The following SEPTIN6 variants were observed in gnomAD, a reference collection of about 807,000 sequenced individuals.
SEPTIN6 encodes septin-6.
A neutral mutation model predicts 33.6 loss-of-function variants in SEPTIN6; 8 were observed. That is an observed-to-expected ratio of 0.24 (90% CI 0.14 to 0.43). SEPTIN6 has a LOEUF of 0.43. SEPTIN6 is among the 20% of genes least tolerant of loss of function. The pLI is 1.00. For synonymous variants in SEPTIN6, 131 were observed against 140.0 expected (o/e 0.94, Z 0.45); for missense variants, 250 against 340.8 (o/e 0.73, Z 2.10).
intron 1 of SEPTIN6, among the ~76,000 whole-genome samples, chrX:119,685,348 G>A (rs4825407): frequency 0.37 from 39,871 of 108,913 alleles, 5,528 homozygotes; most frequent in East Asian, 0.65. Context: ...CCTTCCCTAC[G>A]ACTCTCTCCC....
intron 5 of SEPTIN6, among the ~76,000 whole-genome samples, chrX:119,647,258 T>C (rs57798042): frequency 0.43 from 46,343 of 106,594 alleles, 8,634 homozygotes; most frequent in African/African-American, 0.68. Context: ...CACAGTAGGA[T>C]GCAAGGGAGT....
chrX:119,649,020 T>A (rs2054309164), intron 5 of SEPTIN6, among the ~76,000 whole-genome samples: 1 of 111,135 alleles, frequency 9.0e-6, no homozygotes, highest in Non-Finnish European at 1.9e-5. Flanking sequence ...CTCATTTCTC[T>A]AGTAGGAGAA....
Position 119,617,800 on chromosome X carries a change from G to A in SEPTIN6, c.*2293C>T, listed in dbSNP as rs2053689218. On this transcript the variant is annotated 3_prime_UTR_variant, in exon 11 of 11. Coordinates refer to ENST00000394610, the MANE Select transcript of SEPTIN6 (RefSeq NM_145799.4). Reference sequence around the variant, plus strand: ...TTCATTTCCCCTTACGGAGTAAGTAGGTTATATCGTCTTACTGACTAAAAT... The same window carrying A: ...TTCATTTCCCCTTACGGAGTAAGTAAGTTATATCGTCTTACTGACTAAAAT... The A allele has an allele frequency of 1.3e-6, 1 of 791,127 alleles. No individual in the cohort carries two copies. The highest frequency in any genetic ancestry group is 2.2e-5 in the African/African-American group (1 of 45,381). The allele number at this position is 791,127 out of a possible 1,213,427, so 65.2% of individuals were successfully genotyped here.
At chrX:119,668,849 T>C (rs757724046) in intron 2 of SEPTIN6, among the ~76,000 whole-genome samples, 6 of 111,396 alleles carry the variant, frequency 5.4e-5, no homozygotes, top group Non-Finnish European at 9.4e-5. Context: ...GTAAGTTCTT[T>C]AGTGGTGATT....
intron 9 of SEPTIN6, 48 bp downstream of exon 9, chrX:119,629,270 G>A (rs1283640053): frequency 4.3e-6 from 5 of 1,154,501 alleles, no homozygotes; most frequent in Middle Eastern, 3.3e-4. Context: ...CTGGGAGGAT[G>A]AGCAGGAGGA....
At chrX:119,633,258 T>G in intron 8 of SEPTIN6, 102 bp downstream of exon 8, 1 of 819,747 alleles carries the variant, frequency 1.2e-6, no homozygotes, top group Non-Finnish European at 1.7e-6. Flanking sequence ...GTTGAAGTAA[T>G]TTACATTCAC....
chrX:119,654,700 C>A, intron 3 of SEPTIN6, among the ~76,000 whole-genome samples: 1 of 110,423 alleles, frequency 9.1e-6, no homozygotes, highest in East Asian at 2.8e-4. Flanking sequence ...AGAGAAAAAT[C>A]TTTTTTTTTA....
intron 2 of SEPTIN6, among the ~76,000 whole-genome samples, chrX:119,671,551 G>A (rs2054749227): frequency 9.1e-6 from 1 of 110,058 alleles, no homozygotes; most frequent in Admixed American, 9.7e-5. Flanking sequence ...GCCTCCCAAA[G>A]TGCTGGGATT....
At chrX:119,676,897 T>C in intron 1 of SEPTIN6, among the ~76,000 whole-genome samples, 1 of 112,026 alleles carries the variant, frequency 8.9e-6, no homozygotes, top group Non-Finnish European at 1.9e-5. Context: ...ATCTCCACCA[T>C]CTCCTGGCTG....
intron 5 of SEPTIN6, among the ~76,000 whole-genome samples, chrX:119,647,853 A>G (rs1364883600): frequency 9.3e-6 from 1 of 107,165 alleles, no homozygotes; most frequent in Non-Finnish European, 1.9e-5. Context: ...GGGTTTCTCC[A>G]TGTTGGTCAG....
intron 10 of SEPTIN6, 136 bp downstream of exon 10, chrX:119,625,199 T>C: frequency 4.2e-6 from 2 of 479,262 alleles, no homozygotes; most frequent in Non-Finnish European, 7.4e-6. Flanking sequence ...CTGCATATTA[T>C]AAGTCACGAG....
chrX:119,616,902 C>T (rs888147278), downstream of SEPTIN6: 32 of 1,082,623 alleles, frequency 3.0e-5, 1 homozygote, highest in South Asian at 2.9e-4. Flanking sequence ...GCCATCACCA[C>T]GGGGAAATCT....
intron 5 of SEPTIN6, among the ~76,000 whole-genome samples, chrX:119,644,908 T>A (rs1476604711): frequency 3.3e-5 from 2 of 61,240 alleles, no homozygotes; most frequent in Non-Finnish European, 6.6e-5. Context: ...CCCAATCACA[T>A]TTTTTTTTTT....
chrX:119,622,569 G>A (rs1295317951), intron 10 of SEPTIN6, among the ~76,000 whole-genome samples: 1 of 112,063 alleles, frequency 8.9e-6, no homozygotes, highest in African/African-American at 3.2e-5. Context: ...GGCTGTTCCA[G>A]CTGTTTACCA....
At chrX:119,634,304 G>T (rs1432558210) in intron 7 of SEPTIN6, among the ~76,000 whole-genome samples, 4 of 108,033 alleles carry the variant, frequency 3.7e-5, no homozygotes, top group Non-Finnish European at 7.7e-5. Context: ...GCTAGGCGAA[G>T]GTTGAAGTGA....
intron 4 of SEPTIN6, among the ~76,000 whole-genome samples, chrX:119,651,729 GC>G (rs1221570087): frequency 8.9e-6 from 1 of 112,078 alleles, no homozygotes; most frequent in Non-Finnish European, 1.9e-5. Flanking sequence ...GCTTAACTCG[GC>G]CCATCCACCA....
At chrX:119,664,731 C>T (rs1036489580) in intron 2 of SEPTIN6, among the ~76,000 whole-genome samples, 24 of 104,592 alleles carry the variant, frequency 2.3e-4, no homozygotes, top group African/African-American at 7.5e-4. Flanking sequence ...ATCCCAGCTA[C>T]GGAAAGGCTG....
At chrX:119,662,679 C>T (rs1474540260) in intron 3 of SEPTIN6, among the ~76,000 whole-genome samples, 1 of 112,355 alleles carries the variant, frequency 8.9e-6, no homozygotes, top group Non-Finnish European at 1.9e-5. Context: ...CCAGGTTTTT[C>T]CAGCCCTTAG....
chrX:119,693,060 C>A lies in SEPTIN6; in HGVS notation c.30+16G>T. The A allele has an allele frequency of 8.5e-7, 1 of 1,173,154 alleles. No individual in the cohort carries two copies. The highest frequency in any genetic ancestry group is 1.1e-6 in the Non-Finnish European group (1 of 875,733). On this transcript the variant is annotated intron_variant, in intron 1 of 10. Transcript: ENST00000394610. ...GGCCCTCGGCCCCGGCCCTGGCACC[C>A]AAGCTCTGCACTTACCACCTGGCGA... is the stretch of plus-strand genomic sequence containing the variant.
Sources: gnomAD v4.1 joint callset for allele counts (sites outside exome capture counted in the v4.1 genomes callset) on GRCh38, gnomAD v4.1.1 for gene constraint, MANE v1.5 for transcripts, NCBI Gene and HGNC (gene_info 2026-07-23, HGNC 2026-07-21) for gene names.